The following LRRIQ3 variants were observed in gnomAD, a reference collection of about 807,000 sequenced individuals.
LRRIQ3 encodes the protein leucine-rich repeat and IQ domain-containing protein 3.
In LRRIQ3, 75 loss-of-function variants were observed where a neutral mutation model predicts 59.3. The ratio of observed to expected loss-of-function variants is 1.26; its 90% confidence interval spans 1.05 to 1.53. LRRIQ3 has a LOEUF of 1.53. LRRIQ3 is among the 40% of genes most tolerant of loss of function. The probability of loss-of-function intolerance (pLI) is 0.00; values close to 1 mark genes in which losing one functional copy is unlikely to be tolerated. For missense variants in LRRIQ3, 831 were observed against 710.0 expected (o/e 1.17, Z -1.94); for synonymous variants, 250 against 231.3 (o/e 1.08, Z -0.73).
chr1:74,166,131 T>C (rs900124119), intron 3 of LRRIQ3, among the ~76,000 whole-genome samples: 1 of 151,666 alleles, frequency 6.6e-6, no homozygotes, highest in South Asian at 2.1e-4. Flanking sequence ...TTGTACAGAA[T>C]TGGTGTTACT....
At position 74,103,081 on chromosome 1, in the gene LRRIQ3, TAAAAACCACTACTTCTCAG is replaced by T. The variant is rs572731113; in HGVS notation, c.867+6294_867+6312del. ...CTTATACTTCTACCTAAGTAGACAC[TAAAAACCACTACTTCTCAG>T]AATTCCTAATACTCAGAACAACTCC... On this transcript the variant is annotated intron_variant, in intron 5 of 7. Coordinates refer to ENST00000354431, the MANE Select transcript of LRRIQ3 (RefSeq NM_001105659.2). 2.9e-3 allele frequency among the ~76,000 whole-genome samples: 447 copies of T among 152,092 alleles called. 1 individual carries two copies. The highest frequency in any genetic ancestry group is 0.01 in the African/African-American group (421 of 41,540).
chr1:74,073,884 C>T (rs1570070945), intron 6 of LRRIQ3, among the ~76,000 whole-genome samples: 1 of 152,038 alleles, frequency 6.6e-6, no homozygotes, highest in African/African-American at 2.4e-5. Flanking sequence ...AAAAGTTTAT[C>T]TAATCATGAC....
intron 4 of LRRIQ3, among the ~76,000 whole-genome samples, chr1:74,132,452 T>A (rs960985662): frequency 6.6e-6 from 1 of 152,158 alleles, no homozygotes; most frequent in Admixed American, 6.6e-5. Flanking sequence ...TCGTGCTACC[T>A]GACTTCAAAC....
intron 6 of LRRIQ3, among the ~76,000 whole-genome samples, chr1:74,074,270 A>G (rs1297035241): frequency 1.3e-5 from 2 of 152,150 alleles, no homozygotes; most frequent in Admixed American, 6.5e-5. Context: ...CATTGCTGTA[A>G]TATTTTTAAT....
intron 4 of LRRIQ3, among the ~76,000 whole-genome samples, chr1:74,130,799 C>T (rs937092608): frequency 6.6e-6 from 1 of 151,954 alleles, no homozygotes; most frequent in Non-Finnish European, 1.5e-5. Flanking sequence ...AAAATTGACA[C>T]CCTAACATCA....
intron 1 of LRRIQ3, among the ~76,000 whole-genome samples, chr1:74,190,948 CTT>C (rs1366144685): frequency 1.3e-5 from 2 of 152,236 alleles, no homozygotes; most frequent in African/African-American, 2.4e-5. Flanking sequence ...CTCATTCTCT[CTT>C]GTCTGCCGCC....
intron 3 of LRRIQ3, among the ~76,000 whole-genome samples, chr1:74,165,131 T>G (rs1648897695): frequency 6.6e-6 from 1 of 151,582 alleles, no homozygotes; most frequent in Admixed American, 6.6e-5. Context: ...TAAGTTCTTT[T>G]AACAATTCTA....
At position 74,172,760 on chromosome 1, in the gene LRRIQ3, ATATATT is replaced by A. The variant is rs202015490; in HGVS notation, c.573+9772_573+9777del. Among the ~76,000 whole-genome samples, 204 of 152,270 alleles carry A rather than the reference ATATATT, an allele frequency of 1.3e-3. 3 individuals are homozygous for A. In the East Asian group the frequency reaches 0.038, roughly 28 times the overall value. ...TTACATAATTTAATGTTGAGTGCAA[ATATATT>A]TATATTTGTTATAGCTTCTTGTTGG... On this transcript the variant is annotated intron_variant, in intron 3 of 7. Transcript: ENST00000354431.
intron 5 of LRRIQ3, among the ~76,000 whole-genome samples, chr1:74,105,077 G>T (rs1328453580): frequency 6.6e-6 from 1 of 151,884 alleles, no homozygotes; most frequent in African/African-American, 2.4e-5. Flanking sequence ...TAAATTTTTT[G>T]TTCACAATAA....
intron 3 of LRRIQ3, chr1:74,181,714 CTAA>C (rs1030054334): frequency 4.0e-5 from 6 of 151,728 alleles, no homozygotes; most frequent in African/African-American, 1.5e-4. Flanking sequence ...TACAAAATCA[CTAA>C]TATGTCCCTA....
chr1:74,190,251 C>A (rs1037939676), intron 1 of LRRIQ3, among the ~76,000 whole-genome samples: 3 of 151,778 alleles, frequency 2.0e-5, no homozygotes, highest in Non-Finnish European at 4.4e-5. Context: ...ATGCTAATGG[C>A]TCTAATAGAA....
chr1:74,132,492 G>A (rs1429836422), intron 4 of LRRIQ3, among the ~76,000 whole-genome samples: 1 of 152,136 alleles, frequency 6.6e-6, no homozygotes, highest in Non-Finnish European at 1.5e-5. Flanking sequence ...AACCAAAAGA[G>A]CATGGTACTG....
chr1:74,191,367 A>G (rs935166379), intron 1 of LRRIQ3, among the ~76,000 whole-genome samples: 2 of 152,084 alleles, frequency 1.3e-5, no homozygotes, highest in Non-Finnish European at 2.9e-5. Context: ...GTGTTGGGAA[A>G]GGAACAAGTG....
chr1:74,087,538 T>A (rs1174013084), intron 5 of LRRIQ3, among the ~76,000 whole-genome samples: 1 of 151,762 alleles, frequency 6.6e-6, no homozygotes, highest in African/African-American at 2.4e-5. Context: ...AAAAAAAATC[T>A]ACCCTCTTTA....
intron 4 of LRRIQ3, among the ~76,000 whole-genome samples, chr1:74,120,784 TTTA>T (rs1230079679): frequency 5.9e-5 from 9 of 152,150 alleles, no homozygotes; most frequent in African/African-American, 2.2e-4. Flanking sequence ...GAGTGTTAAT[TTTA>T]TTAAGTTACT....
At chr1:74,076,881 CTT>C (rs1181671207) in intron 5 of LRRIQ3, among the ~76,000 whole-genome samples, 1 of 152,020 alleles carries the variant, frequency 6.6e-6, no homozygotes, top group Non-Finnish European at 1.5e-5. Flanking sequence ...TCTATTCACT[CTT>C]TATGTGATAA....
chr1:74,054,635 T>C (rs567238868), intron 6 of LRRIQ3, among the ~76,000 whole-genome samples: 1 of 151,752 alleles, frequency 6.6e-6, no homozygotes, highest in South Asian at 2.1e-4. Flanking sequence ...TCTGCGTATA[T>C]TGAAACAGAC....
chr1:74,027,988 A>T (rs1346816344), intron 7 of LRRIQ3, among the ~76,000 whole-genome samples: 1 of 152,090 alleles, frequency 6.6e-6, no homozygotes, highest in Non-Finnish European at 1.5e-5. Flanking sequence ...AGTTAAAATA[A>T]CCTTTGAACT....
chr1:74,121,156 T>C (rs958491837), intron 4 of LRRIQ3, among the ~76,000 whole-genome samples: 4 of 152,162 alleles, frequency 2.6e-5, no homozygotes, highest in Non-Finnish European at 5.9e-5. Flanking sequence ...TACTTGAGAA[T>C]AGTGTCTTTG....
Sources: gnomAD v4.1 joint callset for allele counts (sites outside exome capture counted in the v4.1 genomes callset) on GRCh38, gnomAD v4.1.1 for gene constraint, MANE v1.5 for transcripts, NCBI Gene and HGNC (gene_info 2026-07-23, HGNC 2026-07-21) for gene names.